Variants in TMEM248 observed in about 807,000 individuals in gnomAD.
TMEM248 encodes the protein UPF0458 protein C7orf42.
In TMEM248, 9 loss-of-function variants were observed where a neutral mutation model predicts 30.3. The observed-to-expected ratio is 0.30, with a 90% CI of 0.18 to 0.52. The LOEUF (loss-of-function observed/expected upper bound fraction) is 0.52, where lower values mean the gene tolerates loss of function less well. TMEM248 is among the 20% of genes least tolerant of loss of function. TMEM248 has a pLI of 0.97. For missense variants in TMEM248, 338 were observed against 403.3 expected (o/e 0.84, Z 1.39); for synonymous variants, 184 against 154.4 (o/e 1.19, Z -1.42).
chr7:66,930,163 A>T (rs981272935), intron 1 of TMEM248, among the ~76,000 whole-genome samples: 1 of 152,232 alleles, frequency 6.6e-6, no homozygotes, highest in African/African-American at 2.4e-5. Context: ...CTCAAAAAAA[A>T]GAATGACTGG....
chr7:66,929,598 A>G (rs1233678224), intron 1 of TMEM248, among the ~76,000 whole-genome samples: 1 of 151,872 alleles, frequency 6.6e-6, no homozygotes, highest in Non-Finnish European at 1.5e-5. Context: ...CGCCATGCCC[A>G]GCTAATTTTT....
rs898321258 is a variant in TMEM248, at chr7:66,957,196, A to G, written c.*1674A>G. Reference sequence around the variant, plus strand: ...GGCAATGAAAACATTGGACATGACCATGAGTGCTTCCTTTCCTTAACTCTA... The same window carrying G: ...GGCAATGAAAACATTGGACATGACCGTGAGTGCTTCCTTTCCTTAACTCTA... On this transcript the variant is annotated 3_prime_UTR_variant, in exon 7 of 7. Coordinates refer to ENST00000341567, the MANE Select transcript of TMEM248 (RefSeq NM_017994.5). The G allele has an allele frequency of 6.8e-6, 1 of 146,962 alleles. No individual in the cohort carries two copies. Among genetic ancestry groups the G allele is most frequent in the African/African-American group, 2.5e-5 (1 of 39,328 alleles). The allele number at this position is 146,962 out of a possible 1,614,324, so 9.1% of individuals were successfully genotyped here.
At chr7:66,925,697 T>TTTTCTTG in intron 1 of TMEM248, among the ~76,000 whole-genome samples, 1 of 150,324 alleles carries the variant, frequency 6.7e-6, no homozygotes, top group Middle Eastern at 3.2e-3. Context: ...GTTTTTTCTT[T>TTTTCTTG]TTTTTTTTTT....
intron 6 of TMEM248, among the ~76,000 whole-genome samples, chr7:66,954,645 C>T (rs1792359869): frequency 6.6e-6 from 1 of 152,138 alleles, no homozygotes. Flanking sequence ...AATCCACCCA[C>T]ATTGGCCTCT....
intron 5 of TMEM248, among the ~76,000 whole-genome samples, chr7:66,951,638 G>A (rs1792272188): frequency 6.6e-6 from 1 of 151,202 alleles, no homozygotes; most frequent in Non-Finnish European, 1.5e-5. Context: ...ATCTCATCTA[G>A]TAGCTGTGTG....
At chr7:66,926,701 GA>G (rs962549296) in intron 1 of TMEM248, among the ~76,000 whole-genome samples, 1 of 151,062 alleles carries the variant, frequency 6.6e-6, no homozygotes, top group Non-Finnish European at 1.5e-5. Flanking sequence ...TCTTTAAAAT[GA>G]AAAAACAGAA....
intron 4 of TMEM248, 152 bp downstream of exon 4, chr7:66,948,846 A>G: frequency 1.1e-6 from 1 of 892,042 alleles, no homozygotes; most frequent in Non-Finnish European, 1.6e-6. Context: ...GGATTATTTA[A>G]TTTGTCTAAA....
intron 3 of TMEM248, among the ~76,000 whole-genome samples, 195 bp from the exon 4 acceptor site, chr7:66,948,349 C>A (rs933716305): frequency 2.0e-5 from 3 of 152,194 alleles, no homozygotes; most frequent in African/African-American, 7.2e-5. Context: ...ACTTCCTTCG[C>A]TGCTTCGTGG....
rs1023947871 is a variant in TMEM248 at position 66,951,321 on chromosome 7, A to G, written c.780+186A>G. The G allele has an allele frequency of 3.2e-5, 15 of 471,010 alleles. No homozygotes were observed. In the Admixed American group the frequency reaches 3.9e-4, roughly 12 times the overall value. The allele number at this position is 471,010 out of a possible 1,614,324, so 29.2% of individuals were successfully genotyped here. On this transcript the variant is annotated intron_variant, in intron 5 of 6. Transcript: ENST00000341567. ...GGATGCTTGGAAAAACATGTTACCC[A>G]TTGGTTAAGAAAAATCTGGTTTTTC...
chr7:66,923,264 G>T (rs1791435202), intron 1 of TMEM248, among the ~76,000 whole-genome samples: 1 of 151,958 alleles, frequency 6.6e-6, no homozygotes, highest in South Asian at 2.1e-4. Flanking sequence ...TTCTGCCTCA[G>T]CTGCCTGAGT....
At chr7:66,933,202 G>C (rs2129221992) in intron 1 of TMEM248, among the ~76,000 whole-genome samples, 1 of 152,282 alleles carries the variant, frequency 6.6e-6, no homozygotes, top group East Asian at 1.9e-4. Flanking sequence ...AACTCACTCT[G>C]TTGCTCAGGC....
intron 4 of TMEM248, among the ~76,000 whole-genome samples, chr7:66,949,141 TAA>T (rs530357268): frequency 1.8e-4 from 23 of 130,760 alleles, no homozygotes; most frequent in Admixed American, 1.6e-4. Flanking sequence ...TGTCTCTATT[TAA>T]AAAAAAAAAA....
chr7:66,958,409 G>A lies in TMEM248; in HGVS notation c.*2887G>A, dbSNP rs1792452354. ...TTTCACCCTTCCTGCAGGCACTGTG[G>A]GGTCCTGAGGGCCAGTGGGTCCATT... On this transcript the variant is annotated 3_prime_UTR_variant, in exon 7 of 7. Transcript: ENST00000341567. 6.5e-6 allele frequency: 1 copy of A among 152,678 alleles called. No homozygotes were observed. The highest frequency in any genetic ancestry group is 1.5e-5 in the Non-Finnish European group (1 of 68,068). The allele number at this position is 152,678 out of a possible 1,614,324, so 9.5% of individuals were successfully genotyped here.
At chr7:66,935,383 A>G (rs1220574927) in intron 1 of TMEM248, among the ~76,000 whole-genome samples, 2 of 152,066 alleles carry the variant, frequency 1.3e-5, no homozygotes, top group Non-Finnish European at 2.9e-5. Flanking sequence ...GGGTTTCACC[A>G]TGTTAGCCAG....
At chr7:66,928,088 G>A (rs1043341835) in intron 1 of TMEM248, among the ~76,000 whole-genome samples, 4 of 152,016 alleles carry the variant, frequency 2.6e-5, no homozygotes, top group Admixed American at 6.6e-5. Flanking sequence ...GCTGGTGGGC[G>A]CCTGTAATCC....
In TMEM248 at chr7:66,957,397, T is replaced by A. The variant is rs575685268; in HGVS notation, c.*1875T>A. On this transcript the variant is annotated 3_prime_UTR_variant, in exon 7 of 7. Coordinates refer to ENST00000341567, the MANE Select transcript of TMEM248 (RefSeq NM_017994.5). The stretch of plus-strand genomic sequence containing the variant: ...AGTATTTTTCTTTTTCCTTTTAGTA[T>A]GTTTCAAGTGCAGTAATCGTACTTG... 1 of 152,360 alleles carries A rather than the reference T, an allele frequency of 6.6e-6. No individual in the cohort carries two copies. Among genetic ancestry groups the A allele is most frequent in the Middle Eastern group, 3.4e-3 (1 of 294 alleles). 9.4% of individuals were successfully genotyped at this position (152,360 alleles called of 1,614,324 possible). A position where few individuals can be genotyped will look rare whatever the true frequency, so the allele number is the denominator to read the frequency against.
At position 66,955,658 on chromosome 7, in the gene TMEM248, G is replaced by C; in HGVS notation, c.*136G>C. ...TATTCCAGCCAAAGACATTTCAAGTGCCTGTAACTGATTTGTACATATTTA... is the reference window on the plus strand; with the variant it reads ...TATTCCAGCCAAAGACATTTCAAGTCCCTGTAACTGATTTGTACATATTTA... On this transcript the variant is annotated 3_prime_UTR_variant, in exon 7 of 7. Coordinates refer to ENST00000341567, the MANE Select transcript of TMEM248 (RefSeq NM_017994.5). 2 of 1,035,516 alleles carry C rather than the reference G, an allele frequency of 1.9e-6. No homozygotes were observed. Among genetic ancestry groups the C allele is most frequent in the Non-Finnish European group, 2.9e-6 (2 of 694,354 alleles). The allele number at this position is 1,035,516 out of a possible 1,614,324, so 64.1% of individuals were successfully genotyped here.
intron 1 of TMEM248, among the ~76,000 whole-genome samples, chr7:66,931,185 C>T (rs139480146): frequency 6.6e-6 from 1 of 150,978 alleles, no homozygotes; most frequent in Admixed American, 6.7e-5. Context: ...CACCTGTAGT[C>T]TCAGCTATTT....
chr7:66,928,264 T>C (rs184070390), intron 1 of TMEM248, among the ~76,000 whole-genome samples: 1 of 152,034 alleles, frequency 6.6e-6, no homozygotes, highest in East Asian at 1.9e-4. Context: ...AAAAAGTTGA[T>C]CTCTTACTTG....
Sources: allele counts gnomAD v4.1 joint callset (sites outside exome capture counted in the v4.1 genomes callset), GRCh38; gene constraint gnomAD v4.1.1; transcripts MANE v1.5; gene names NCBI Gene and HGNC (gene_info 2026-07-23, HGNC 2026-07-21).